BRWD1: variants seen among roughly 807,000 people sequenced by gnomAD.
BRWD1 encodes bromodomain and WD repeat-containing protein 1.
Under a neutral mutation model 251.2 loss-of-function variants are expected in BRWD1, and 82 were observed. That is an observed-to-expected ratio of 0.33 (90% CI 0.27 to 0.39). BRWD1 has a LOEUF of 0.39. BRWD1 is among the 10% of genes least tolerant of loss of function. BRWD1 has a pLI of 1.00. For missense variants in BRWD1, 2,233 were observed against 2,711.6 expected (o/e 0.82, Z 3.92); for synonymous variants, 918 against 902.8 (o/e 1.02, Z -0.30).
chr21:39,259,532 T>G (rs1456598752), intron 17 of BRWD1, among the ~76,000 whole-genome samples: 1 of 152,146 alleles, frequency 6.6e-6, no homozygotes, highest in Admixed American at 6.5e-5. Context: ...TCTCCTGACC[T>G]CATGATCCAC....
intron 32 of BRWD1, among the ~76,000 whole-genome samples, chr21:39,213,914 AT>A (rs200038998): frequency 6.7e-5 from 10 of 149,814 alleles, no homozygotes; most frequent in Non-Finnish European, 1.2e-4. Flanking sequence ...GGTAAAAAAA[AT>A]ATATATATAT....
At chr21:39,299,228 T>A (rs1423697522) in intron 4 of BRWD1, among the ~76,000 whole-genome samples, 1 of 135,384 alleles carries the variant, frequency 7.4e-6, no homozygotes, top group South Asian at 2.5e-4. Flanking sequence ...ATATACATAT[T>A]ACGCTAACTC....
rs751383768 is a variant in BRWD1, at chr21:39,187,409, G to A, written c.*8850C>T. 1.3e-6 allele frequency: 2 copies of A among 1,544,952 alleles called. No individual in the cohort carries two copies. The highest frequency in any genetic ancestry group is 1.2e-5 in the South Asian group (1 of 80,754). ...TTTGTATTGGGTTCTCTGTCTCTAG[G>A]AACAAATTCTGAAAAATGAGTGAAA... On this transcript the variant is annotated 3_prime_UTR_variant, in exon 41 of 41. Transcript: ENST00000342449.
intron 23 of BRWD1, among the ~76,000 whole-genome samples, chr21:39,234,912 T>C (rs2033756370): frequency 6.6e-6 from 1 of 152,160 alleles, no homozygotes; most frequent in African/African-American, 2.4e-5. Context: ...TCACACTTAA[T>C]CTTTTAACAT....
rs1182509009 is a variant in BRWD1, at chr21:39,187,567, GCTT to G, written c.*8689_*8691del. Reference sequence around the variant, plus strand: ...TAAATTTTAAAATGTGATACTAAGGGCTTCTTCACATTGATATAACCTTACATT... The same window carrying G: ...TAAATTTTAAAATGTGATACTAAGGGCTTCACATTGATATAACCTTACATT... On this transcript the variant is annotated 3_prime_UTR_variant, in exon 41 of 41. Coordinates refer to ENST00000342449, the MANE Select transcript of BRWD1 (RefSeq NM_033656.4). 3 of 1,385,834 alleles carry G rather than the reference GCTT, an allele frequency of 2.2e-6. No homozygotes were observed. Among genetic ancestry groups the G allele is most frequent in the Admixed American group, 3.4e-5 (1 of 29,248 alleles). 85.8% of individuals were successfully genotyped at this position (1,385,834 alleles called of 1,614,324 possible). A position where few individuals can be genotyped will look rare whatever the true frequency, so the allele number is the denominator to read the frequency against.
At chr21:39,267,108 A>G (rs1445277927) in intron 15 of BRWD1, among the ~76,000 whole-genome samples, 2 of 152,186 alleles carry the variant, frequency 1.3e-5, no homozygotes, top group Admixed American at 6.5e-5. Context: ...TTTTTCCAAT[A>G]ATTTGAATAC....
intron 17 of BRWD1, among the ~76,000 whole-genome samples, chr21:39,261,789 G>C (rs927337862): frequency 1.3e-5 from 2 of 150,488 alleles, no homozygotes; most frequent in Admixed American, 6.6e-5. Flanking sequence ...AAAAGAAAAA[G>C]GAAAAAGGCA....
intron 23 of BRWD1, among the ~76,000 whole-genome samples, chr21:39,233,201 C>T (rs957702585): frequency 1.3e-5 from 2 of 152,074 alleles, no homozygotes; most frequent in African/African-American, 4.8e-5. Flanking sequence ...TGAATAAGCT[C>T]GGAAAGAATA....
chr21:39,275,145 TAC>T (rs1471589531), intron 12 of BRWD1, among the ~76,000 whole-genome samples: 1 of 152,216 alleles, frequency 6.6e-6, no homozygotes, highest in Non-Finnish European at 1.5e-5. Flanking sequence ...TTAAACATCT[TAC>T]TTGTTAATTC....
Position 39,189,519 on chromosome 21 carries a change from T to A in BRWD1, c.*6740A>T. The A allele has an allele frequency of 1.0e-6, 1 of 981,954 alleles. No individual in the cohort carries two copies. Among genetic ancestry groups the A allele is most frequent in the Non-Finnish European group, 1.2e-6 (1 of 826,776 alleles). 60.8% of individuals were successfully genotyped at this position (981,954 alleles called of 1,614,324 possible). A position where few individuals can be genotyped will look rare whatever the true frequency, so the allele number is the denominator to read the frequency against. ...CTAAAATCAGGTTTTTAAAAAATAC[T>A]TAAGGAAATTTGAACTTCAGTAACT... On this transcript the variant is annotated 3_prime_UTR_variant, in exon 41 of 41. Transcript: ENST00000342449.
intron 4 of BRWD1, among the ~76,000 whole-genome samples, chr21:39,298,966 G>GT (rs2036032285): frequency 6.6e-6 from 1 of 152,218 alleles, no homozygotes. Context: ...ACTCACACCT[G>GT]TAATCTCAGC....
chr21:39,237,656 T>C (rs574233612), intron 22 of BRWD1, among the ~76,000 whole-genome samples: 1 of 152,058 alleles, frequency 6.6e-6, no homozygotes, highest in Non-Finnish European at 1.5e-5. Context: ...GCCAGGGACA[T>C]GAGGAAGGGT....
At chr21:39,258,223 C>T (rs1384018809) in intron 18 of BRWD1, among the ~76,000 whole-genome samples, 1 of 152,134 alleles carries the variant, frequency 6.6e-6, no homozygotes. Context: ...AAAAACCAAT[C>T]TGTTATTCGC....
chr21:39,203,438 C>CTTGTTTTTTTTTTTT (rs2032215304), intron 37 of BRWD1, among the ~76,000 whole-genome samples: 1 of 67,716 alleles, frequency 1.5e-5, no homozygotes, highest in Non-Finnish European at 2.9e-5. Flanking sequence ...GACCCTGGTT[C>CTTGTTTTTTTTTTTT]TTTTTTTTTT....
At chr21:39,312,982 G>GGGCGGGGGGCCGGGGGCT in intron 3 of BRWD1, 82 bp from the exon 4 acceptor site, 2 of 964,532 alleles carry the variant, frequency 2.1e-6, no homozygotes, top group Non-Finnish European at 2.6e-6. Flanking sequence ...GGCGGGCGGC[G>GGGCGGGGGGCCGGGGGCT]GGCGGCGGGC....
At chr21:39,228,610 A>T in intron 26 of BRWD1, 28 bp from the exon 27 acceptor site, 1 of 1,345,598 alleles carries the variant, frequency 7.4e-7, no homozygotes, top group Non-Finnish European at 1.1e-6. Context: ...AAATTGTTAA[A>T]CTCTCTACAT....
At position 39,189,859 on chromosome 21, in the gene BRWD1, C is replaced by G; in HGVS notation, c.*6400G>C. 1.4e-5 allele frequency: 14 copies of G among 985,336 alleles called. No homozygotes were observed. The highest frequency in any genetic ancestry group is 1.6e-5 in the Non-Finnish European group (13 of 829,884). The allele number at this position is 985,336 out of a possible 1,614,324, so 61.0% of individuals were successfully genotyped here. On this transcript the variant is annotated 3_prime_UTR_variant, in exon 41 of 41. Transcript: ENST00000342449. ...CTTAAGAACTCTGGATGTTGCTGCTCTAACAATGCATTTGTGATGGTGCCA... is the reference window on the plus strand; with the variant it reads ...CTTAAGAACTCTGGATGTTGCTGCTGTAACAATGCATTTGTGATGGTGCCA...
rs1328139208 is a variant in BRWD1 at position 39,199,388 on chromosome 21, A to C, written c.5028T>G (p.His1676Gln). The C allele has an allele frequency of 1.2e-6, 2 of 1,614,218 alleles. No individual in the cohort carries two copies. The highest frequency in any genetic ancestry group is 1.7e-6 in the Non-Finnish European group (2 of 1,180,040). Residue 1676 changes from histidine to glutamine, a missense_variant, in exon 40 of 41, where the codon CAT becomes CAG. His to Gln is a conservative substitution (Grantham distance 24). Around this residue, in one of 12 missense-constraint regions of BRWD1, gnomAD observed 928 missense variants for 970.0 expected, o/e 0.96. Coordinates refer to ENST00000342449, the MANE Select transcript of BRWD1 (RefSeq NM_033656.4). ...TTAAGCTCTGTTCATCTTCAGAATT[A>C]TGTAATAACTTTTTTCTAGCTACAG... ...ASAVARKKLL[H>Q]NSEDEQSLKS...
intron 1 of BRWD1, among the ~76,000 whole-genome samples, chr21:39,319,496 A>G (rs939146723): frequency 1.2e-4 from 18 of 152,204 alleles, no homozygotes; most frequent in Admixed American, 1.1e-3. Context: ...CTGTGTTTGG[A>G]TGTCGGAGTT....
Sources: allele counts gnomAD v4.1 joint callset (sites outside exome capture counted in the v4.1 genomes callset), GRCh38; gene constraint gnomAD v4.1.1; regional missense constraint gnomAD v4.1.1; transcripts MANE v1.5; gene names NCBI Gene and HGNC (gene_info 2026-07-23, HGNC 2026-07-21).